GALNT9: variants seen among roughly 807,000 people sequenced by gnomAD.
GALNT9 encodes GalNAc transferase 9.
Under a neutral mutation model 63.1 loss-of-function variants are expected in GALNT9, and 47 were observed. The ratio of observed to expected loss-of-function variants is 0.75; its 90% CI spans 0.59 to 0.95. The LOEUF (loss-of-function observed/expected upper bound fraction) is 0.95. GALNT9 is among the 40% of genes least tolerant of loss of function. The pLI is 0.00. For missense variants in GALNT9, 829 were observed against 874.8 expected (o/e 0.95, Z 0.66); for synonymous variants, 396 against 365.7 (o/e 1.08, Z -0.94).
At chr12:132,208,775 A>G (rs2135512312) in intron 6 of GALNT9, among the ~76,000 whole-genome samples, 1 of 152,334 alleles carries the variant, frequency 6.6e-6, no homozygotes, top group African/African-American at 2.4e-5. Flanking sequence ...TTAGGCCGCA[A>G]CATTTCAGAG....
chr12:132,286,237 GTCAC>G lies in GALNT9; in HGVS notation c.419+9_419+12del, dbSNP rs782159697. On this transcript the variant is annotated intron_variant, in intron 2 of 10. Coordinates refer to ENST00000328957, the MANE Select transcript of GALNT9 (RefSeq NM_001122636.2). The surrounding 1 kb of genome is among the most constrained non-coding windows in gnomAD (Gnocchi z 7.4). The stretch of plus-strand genomic sequence containing the variant: ...GGCGGGCGTCGGGGGATGGGGGGCA[GTCAC>G]TCACTCACTTTCTGGGCCGGTAGTC... 2.6e-5 allele frequency: 40 copies of G among 1,545,058 alleles called. No homozygotes were observed. The South Asian group carries it at 4.1e-4, about 16-fold the overall frequency.
chr12:132,312,322 T>C (rs1294281695), intron 1 of GALNT9, among the ~76,000 whole-genome samples: 1 of 152,242 alleles, frequency 6.6e-6, no homozygotes, highest in East Asian at 1.9e-4. Context: ...GGGAGAAGGA[T>C]TTCCTGGCCC....
Position 132,235,162 on chromosome 12 carries a change from C to G in GALNT9, c.1077+12748G>C, listed in dbSNP as rs1395802322. Among the ~76,000 whole-genome samples, 292 of 71,612 alleles carry G rather than the reference C, an allele frequency of 4.1e-3. 39 individuals are homozygous for G. The highest frequency in any genetic ancestry group is 0.016 in the Middle Eastern group (1 of 64). The allele number at this position is 71,612 out of a possible 152,430, so 47.0% of individuals were successfully genotyped here. ...TAGTGCCACACACTCGATGGGGTGA[C>G]AGGGACAGCGTGGAGCCCCTAGTGC... On this transcript the variant is annotated intron_variant, in intron 6 of 10. Transcript: ENST00000328957.
chr12:132,271,092 G>A (rs782320794), intron 2 of GALNT9, among the ~76,000 whole-genome samples: 3 of 152,332 alleles, frequency 2.0e-5, no homozygotes, highest in East Asian at 1.9e-4. Context: ...CGCTGCGCCC[G>A]TCACTCTGTG....
rs1423831099 is a variant in GALNT9, at chr12:132,230,870, T to G, written c.1077+17040A>C. ...ACAGGCAGACCACACCGCAGGCCAC[T>G]GCAGGGCTCCCAACCTCCATTCGGG... is the stretch of plus-strand genomic sequence containing the variant. On this transcript the variant is annotated intron_variant, in intron 6 of 10. Coordinates refer to ENST00000328957, the MANE Select transcript of GALNT9 (RefSeq NM_001122636.2). 3.9e-5 allele frequency among the ~76,000 whole-genome samples: 6 copies of G among 152,232 alleles called. No homozygotes were observed. The East Asian group carries it at 1.2e-3, about 29-fold the overall frequency.
At chr12:132,261,980 C>G (rs897217801) in intron 3 of GALNT9, among the ~76,000 whole-genome samples, 1 of 152,232 alleles carries the variant, frequency 6.6e-6, no homozygotes, top group South Asian at 2.1e-4. Flanking sequence ...TGGTGTGAGC[C>G]TCTGTGGGCA....
rs1339562412 is a variant in GALNT9 at position 132,319,634 on chromosome 12, A to G, written c.238+9332T>C. The stretch of plus-strand genomic sequence containing the variant: ...TCCTCGGGAGAGCCCTGACGCACAC[A>G]CTAGCTGAGTTTGCTTTTCAACAGG... On this transcript the variant is annotated intron_variant, in intron 1 of 10. Coordinates refer to ENST00000328957, the MANE Select transcript of GALNT9 (RefSeq NM_001122636.2). The surrounding 1 kb of genome is among the most constrained non-coding windows in gnomAD (Gnocchi z 5.2). 6.6e-6 allele frequency among the ~76,000 whole-genome samples: 1 copy of G among 151,808 alleles called. No individual in the cohort carries two copies. Among genetic ancestry groups the G allele is most frequent in the East Asian group, 1.9e-4 (1 of 5,156 alleles).
intron 1 of GALNT9, among the ~76,000 whole-genome samples, chr12:132,299,899 A>G (rs1353240367): frequency 2.2e-5 from 3 of 135,414 alleles, no homozygotes; most frequent in Non-Finnish European, 4.7e-5. Context: ...CTCCCACCAC[A>G]CCTAACCCAT....
intron 4 of GALNT9, among the ~76,000 whole-genome samples, chr12:132,258,108 C>T (rs531814429): frequency 2.6e-5 from 4 of 152,302 alleles, no homozygotes; most frequent in East Asian, 3.9e-4. Flanking sequence ...GGTAGCCCCT[C>T]GAATGCCACT....
At chr12:132,295,947 CGAACAGGGACGGCCTCCG>C (rs1881050643) in intron 1 of GALNT9, among the ~76,000 whole-genome samples, 2 of 125,128 alleles carry the variant, frequency 1.6e-5, no homozygotes, top group Admixed American at 7.7e-5. Context: ...GGACGGCCTC[CGAACAGGGACGGCCTCCG>C]GAACAGGGAG....
Position 132,329,171 on chromosome 12 carries a change from CAG to C in GALNT9, c.31_32del (p.Leu11AspfsTer50). 1 of 1,548,834 alleles carries C rather than the reference CAG, an allele frequency of 6.5e-7. No homozygotes were observed. Among genetic ancestry groups the C allele is most frequent in the South Asian group, 1.2e-5 (1 of 83,788 alleles). On this transcript the variant is annotated frameshift_variant, in exon 1 of 11. Transcript: ENST00000328957. LOFTEE classifies it high-confidence loss of function. ...CCACGAACACCAGGATGTTCACCGTCAGCAAAGTTCGGATCTTCCTGGCCACC... is the reference window on the plus strand; with the variant it reads ...CCACGAACACCAGGATGTTCACCGTCCAAAGTTCGGATCTTCCTGGCCACC... MAVARKIRTL[L>X]TVNILVFVGI...
At position 132,286,160 on chromosome 12, in the gene GALNT9, G is replaced by A. The variant is rs1414234324; in HGVS notation, c.419+90C>T. On this transcript the variant is annotated intron_variant, in intron 2 of 10. Transcript: ENST00000328957. The surrounding 1 kb of genome is among the most constrained non-coding windows in gnomAD (Gnocchi z 7.4). ...GTGGGGGCCGCTCACTTCCCCGGCCGGCGTGGGGGGCAGTCACTTCCCTGG... is the reference window on the plus strand; with the variant it reads ...GTGGGGGCCGCTCACTTCCCCGGCCAGCGTGGGGGGCAGTCACTTCCCTGG... 4.4e-5 allele frequency: 60 copies of A among 1,364,560 alleles called. No homozygotes were observed. In the East Asian group the frequency reaches 1.3e-3, roughly 31 times the overall value. 84.5% of individuals were successfully genotyped at this position (1,364,560 alleles called of 1,614,324 possible). A position where few individuals can be genotyped will look rare whatever the true frequency, so the allele number is the denominator to read the frequency against.
Position 132,286,234 on chromosome 12 carries a change from G to A in GALNT9, c.419+16C>T, listed in dbSNP as rs1555242160. The stretch of plus-strand genomic sequence containing the variant: ...CTCGGCGGGCGTCGGGGGATGGGGG[G>A]CAGTCACTCACTCACTTTCTGGGCC... On this transcript the variant is annotated intron_variant, in intron 2 of 10. Coordinates refer to ENST00000328957, the MANE Select transcript of GALNT9 (RefSeq NM_001122636.2). The surrounding 1 kb of genome is among the most constrained non-coding windows in gnomAD (Gnocchi z 7.4). 7 of 1,542,550 alleles carry A rather than the reference G, an allele frequency of 4.5e-6. No individual in the cohort carries two copies. In the Admixed American group the frequency reaches 5.9e-5, roughly 13 times the overall value.
rs573198840 is a variant in GALNT9 at position 132,213,159 on chromosome 12, T to A, written c.1078-9469A>T. Among the ~76,000 whole-genome samples the A allele has an allele frequency of 3.6e-4, 7 of 19,496 alleles. 1 individual carries two copies. The highest frequency in any genetic ancestry group is 1.6e-3 in the Admixed American group (3 of 1,832). The allele number at this position is 19,496 out of a possible 152,430, so 12.8% of individuals were successfully genotyped here. On this transcript the variant is annotated intron_variant, in intron 6 of 10. Transcript: ENST00000328957. Reference sequence around the variant, plus strand: ...CACCCGGGTCTGCAGCCCTCAGACCTCGACACGGAAACCCCACCCGGGTCT... The same window carrying A: ...CACCCGGGTCTGCAGCCCTCAGACCACGACACGGAAACCCCACCCGGGTCT...
At chr12:132,294,396 G>A (rs540828465) in intron 1 of GALNT9, among the ~76,000 whole-genome samples, 29 of 152,212 alleles carry the variant, frequency 1.9e-4, no homozygotes, top group Non-Finnish European at 4.0e-4. Flanking sequence ...ATCACCCGTG[G>A]TCCTTGTTAA....
In GALNT9 at chr12:132,319,210, G is replaced by A. The variant is rs915223596; in HGVS notation, c.238+9756C>T. Among the ~76,000 whole-genome samples the A allele has an allele frequency of 7.2e-5, 11 of 152,194 alleles. No individual in the cohort carries two copies. The highest frequency in any genetic ancestry group is 2.7e-4 in the African/African-American group (11 of 41,448). ...GGCTGGAAGTATTGCTTCCAGGTGC[G>A]TCTGTGCGAGATTTGAGTCTGAATC... is the stretch of plus-strand genomic sequence containing the variant. On this transcript the variant is annotated intron_variant, in intron 1 of 10. Coordinates refer to ENST00000328957, the MANE Select transcript of GALNT9 (RefSeq NM_001122636.2). This position sits in a 1 kb window ranked among gnomAD's most constrained non-coding sequence, Gnocchi z 5.2.
At chr12:132,240,575 GC>G in intron 6 of GALNT9, 1 of 454,244 alleles carries the variant, frequency 2.2e-6, no homozygotes, top group Admixed American at 2.4e-5. Flanking sequence ...TCCGTGCGTG[GC>G]CCCGGGGCTC....
At chr12:132,285,183 A>G (rs921231113) in intron 2 of GALNT9, among the ~76,000 whole-genome samples, 3 of 152,196 alleles carry the variant, frequency 2.0e-5, no homozygotes, top group Admixed American at 6.5e-5. Context: ...CAGCTCCAGG[A>G]GGAGGCAAGT....
At chr12:132,264,759 T>C (rs1555240059) in intron 2 of GALNT9, among the ~76,000 whole-genome samples, 1 of 152,216 alleles carries the variant, frequency 6.6e-6, no homozygotes, top group Non-Finnish European at 1.5e-5. Flanking sequence ...GATTGGCTTA[T>C]GCTCCACCGC....
Sources: gnomAD v4.1 joint callset for allele counts (sites outside exome capture counted in the v4.1 genomes callset) on GRCh38, gnomAD v4.1.1 for gene constraint, Gnocchi (gnomAD v3.1) non-coding constraint, MANE v1.5 for transcripts, NCBI Gene and HGNC (gene_info 2026-07-23, HGNC 2026-07-21) for gene names.